KAT14: variants seen among roughly 807,000 people sequenced by gnomAD.
KAT14 encodes the protein cysteine-rich protein 2-binding protein.
A neutral mutation model predicts 78.4 loss-of-function variants in KAT14; 66 were observed. That is an observed-to-expected ratio of 0.84 (90% CI 0.69 to 1.03). The LOEUF (loss-of-function observed/expected upper bound fraction) is 1.03, where lower values mean the gene tolerates loss of function less well. KAT14 is among the 50% of genes least tolerant of loss of function. The pLI is 0.00. For synonymous variants in KAT14, 344 were observed against 359.4 expected (o/e 0.96, Z 0.48); for missense variants, 870 against 972.5 (o/e 0.89, Z 1.40).
chr20:18,137,596 CG>C (rs2037342292), upstream of KAT14, among the ~76,000 whole-genome samples: 3 of 152,164 alleles, frequency 2.0e-5, no homozygotes, highest in South Asian at 6.2e-4. Context: ...AGACCCCGCC[CG>C]GGGTGAGGTT....
chr20:18,141,123 C>T (rs1388128664), intron 1 of KAT14, among the ~76,000 whole-genome samples: 2 of 146,854 alleles, frequency 1.4e-5, no homozygotes, highest in African/African-American at 2.5e-5. Flanking sequence ...AAGCAGTCTG[C>T]CTGCCTTGGC....
chr20:18,174,384 T>C (rs1256646301), intron 7 of KAT14, among the ~76,000 whole-genome samples: 2 of 152,198 alleles, frequency 1.3e-5, no homozygotes, highest in Non-Finnish European at 1.5e-5. Flanking sequence ...TTTTGAAGGA[T>C]TGCTAGACTG....
rs200074244 is a variant in KAT14 at position 18,162,429 on chromosome 20, C to T, written c.1152C>T (p.Val384=). 13 of 1,614,008 alleles carry T rather than the reference C, an allele frequency of 8.1e-6. No homozygotes were observed. Among genetic ancestry groups the T allele is most frequent in the Middle Eastern group, 1.7e-4 (1 of 6,060 alleles). The change falls in exon 7 of 11, where the codon GTC becomes GTT. Residue 384 remains valine, a synonymous_variant. Coordinates refer to ENST00000688188, the MANE Select transcript of KAT14 (RefSeq NM_001392073.1). The part of the protein sequence containing the change: ...DGVIDPGMEY[V]PPPAGSVASG... The stretch of plus-strand genomic sequence containing the variant: ...TCATAGACCCAGGGATGGAGTACGT[C>T]CCACCCCCTGCTGGGTCAGTAGCTT...
chr20:18,184,537 C>T (rs1187003973), intron 9 of KAT14, 65 bp from the exon 10 acceptor site: 33 of 1,221,884 alleles, frequency 2.7e-5, no homozygotes, highest in Non-Finnish European at 2.2e-5. Context: ...ACATGCTGAA[C>T]AGCTTGGTGT....
chr20:18,187,543 G>T lies in KAT14; in HGVS notation c.*84G>T. The T allele has an allele frequency of 6.3e-7, 1 of 1,586,262 alleles. No individual in the cohort carries two copies. The highest frequency in any genetic ancestry group is 1.2e-5 in the South Asian group (1 of 86,260). On this transcript the variant is annotated 3_prime_UTR_variant, in exon 11 of 11. Coordinates refer to ENST00000688188, the MANE Select transcript of KAT14 (RefSeq NM_001392073.1). ...TCTAAAGGCAGTGATTGATTTCACAGGGAGCTCTAATCTCTGTGATTACAT... is the reference window on the plus strand; with the variant it reads ...TCTAAAGGCAGTGATTGATTTCACATGGAGCTCTAATCTCTGTGATTACAT...
At chr20:18,173,253 A>T (rs973234882) in intron 7 of KAT14, among the ~76,000 whole-genome samples, 2 of 152,066 alleles carry the variant, frequency 1.3e-5, no homozygotes, top group African/African-American at 2.4e-5. Flanking sequence ...TTATCCTTAG[A>T]CTTGTCCGCA....
intron 7 of KAT14, 130 bp from the exon 8 acceptor site, chr20:18,181,580 A>T: frequency 1.5e-6 from 2 of 1,378,884 alleles, no homozygotes; most frequent in Non-Finnish European, 2.0e-6. Context: ...CGTGTTAGCC[A>T]GGATGATCTC....
intron 5 of KAT14, among the ~76,000 whole-genome samples, chr20:18,160,910 C>T (rs545909449): frequency 3.2e-4 from 49 of 152,232 alleles, no homozygotes; most frequent in Non-Finnish European, 5.7e-4. Flanking sequence ...CATGGTGGCT[C>T]ATGCCTGTAA....
intron 7 of KAT14, among the ~76,000 whole-genome samples, chr20:18,176,619 G>A (rs2039061397): frequency 6.6e-6 from 1 of 152,156 alleles, no homozygotes; most frequent in Admixed American, 6.5e-5. Flanking sequence ...AGTGTGGAAG[G>A]CCCAGGCGCA....
rs148582987 is a variant in KAT14, at chr20:18,162,671, A to G, written c.1394A>G (p.Tyr465Cys). 1.1e-3 allele frequency: 1,835 copies of G among 1,614,124 alleles called. 2 individuals are homozygous for G. The highest frequency in any genetic ancestry group is 1.5e-3 in the Non-Finnish European group (1,745 of 1,180,044). ...CCCAGGTATACTCCCGTGAGCATCTACGAGGAAAAGCTGCTGCTCAAGAGG... is the reference window on the plus strand; with the variant it reads ...CCCAGGTATACTCCCGTGAGCATCTGCGAGGAAAAGCTGCTGCTCAAGAGG... Reference protein sequence around the residue: ...KEPRYTPVSIYEEKLLLKRLE... With the variant: ...KEPRYTPVSICEEKLLLKRLE... The change falls in exon 7 of 11, where the codon TAC becomes TGC. Residue 465 changes from tyrosine to cysteine, a missense_variant. Tyr to Cys is a radical substitution (Grantham distance 194). Coordinates refer to ENST00000688188, the MANE Select transcript of KAT14 (RefSeq NM_001392073.1).
intron 5 of KAT14, 49 bp from the exon 6 acceptor site, chr20:18,161,774 A>G (rs1178560702): frequency 1.3e-6 from 2 of 1,563,240 alleles, no homozygotes; most frequent in South Asian, 1.2e-5. Flanking sequence ...CTTGTGCCCA[A>G]GCATTTCAGA....
At chr20:18,175,881 G>A (rs1339112515) in intron 7 of KAT14, among the ~76,000 whole-genome samples, 1 of 151,560 alleles carries the variant, frequency 6.6e-6, no homozygotes, top group Admixed American at 6.6e-5. Context: ...AATTAGCCAG[G>A]TGTGGTGACA....
intron 7 of KAT14, among the ~76,000 whole-genome samples, chr20:18,169,333 T>C (rs2038768343): frequency 6.6e-6 from 1 of 152,200 alleles, no homozygotes; most frequent in Non-Finnish European, 1.5e-5. Context: ...TTTGTGACAA[T>C]CTTATGTCGA....
intron 2 of KAT14, among the ~76,000 whole-genome samples, chr20:18,143,790 G>A (rs1318373408): frequency 6.6e-6 from 1 of 152,100 alleles, no homozygotes; most frequent in Non-Finnish European, 1.5e-5. Flanking sequence ...ACCATGCCCG[G>A]CCAATTTTGT....
intron 3 of KAT14, among the ~76,000 whole-genome samples, chr20:18,146,861 T>A (rs1414752764): frequency 1.3e-5 from 2 of 151,014 alleles, no homozygotes; most frequent in Admixed American, 6.6e-5. Flanking sequence ...AAAAAAAAAA[T>A]TATATATTAC....
At chr20:18,182,821 G>A (rs1326158264) in intron 8 of KAT14, among the ~76,000 whole-genome samples, 1 of 152,164 alleles carries the variant, frequency 6.6e-6, no homozygotes, top group Non-Finnish European at 1.5e-5. Flanking sequence ...AGGCACTGGA[G>A]ATGCATCCTC....
At chr20:18,168,691 A>G (rs2038746735) in intron 7 of KAT14, among the ~76,000 whole-genome samples, 2 of 150,680 alleles carry the variant, frequency 1.3e-5, no homozygotes, top group Admixed American at 1.3e-4. Flanking sequence ...TCTTTTTTCT[A>G]TTATTTTATT....
At chr20:18,150,036 T>C (rs1225684953) in intron 3 of KAT14, among the ~76,000 whole-genome samples, 1 of 152,220 alleles carries the variant, frequency 6.6e-6, no homozygotes, top group East Asian at 1.9e-4. Flanking sequence ...AAGGATGGGA[T>C]TATTTCTTGA....
At chr20:18,160,201 A>G (rs1283911830) in intron 5 of KAT14, among the ~76,000 whole-genome samples, 1 of 152,152 alleles carries the variant, frequency 6.6e-6, no homozygotes, top group Non-Finnish European at 1.5e-5. Context: ...GATCAGGCTG[A>G]TGAGCTTTTA....
Sources: gnomAD v4.1 joint callset for allele counts (sites outside exome capture counted in the v4.1 genomes callset) on GRCh38, gnomAD v4.1.1 for gene constraint, MANE v1.5 for transcripts, NCBI Gene and HGNC (gene_info 2026-07-23, HGNC 2026-07-21) for gene names.